The following CYP20A1 variants were observed in gnomAD, a reference collection of about 807,000 sequenced individuals.
CYP20A1 encodes the protein cytochrome P450 family 20 subfamily A member 1, also known as cytochrome P450 20A1.
A neutral mutation model predicts 61.4 loss-of-function variants in CYP20A1; 61 were observed. The ratio of observed to expected loss-of-function variants is 0.99; its 90% CI spans 0.81 to 1.23. CYP20A1 has a LOEUF of 1.23. Ranked by LOEUF, CYP20A1 falls within the 50% of genes most tolerant of loss-of-function variation. The probability of loss-of-function intolerance (pLI) is 0.00; values close to 1 mark genes in which losing one functional copy is unlikely to be tolerated. For missense variants in CYP20A1, 530 were observed against 542.4 expected (o/e 0.98, Z 0.23); for synonymous variants, 193 against 188.2 (o/e 1.03, Z -0.21).
intron 2 of CYP20A1, among the ~76,000 whole-genome samples, chr2:203,246,537 G>GT (rs2066464048): frequency 6.6e-6 from 1 of 152,140 alleles, no homozygotes; most frequent in African/African-American, 2.4e-5. Context: ...GGTTTGAAGT[G>GT]TTAAGAATTC....
intron 4 of CYP20A1, among the ~76,000 whole-genome samples, chr2:203,260,473 C>T (rs904129839): frequency 1.3e-5 from 2 of 151,942 alleles, no homozygotes; most frequent in Non-Finnish European, 1.5e-5. Flanking sequence ...CCATCCGCTT[C>T]GGCCTCCCAA....
intron 1 of CYP20A1, among the ~76,000 whole-genome samples, chr2:203,240,767 G>GA (rs895454814): frequency 6.6e-6 from 1 of 152,150 alleles, no homozygotes; most frequent in African/African-American, 2.4e-5. Context: ...CCAGAGGAGA[G>GA]AAAGTCAGAA....
At chr2:203,291,741 A>G (rs2068544323) in intron 10 of CYP20A1, among the ~76,000 whole-genome samples, 1 of 151,506 alleles carries the variant, frequency 6.6e-6, no homozygotes, top group Admixed American at 6.6e-5. Context: ...GGTTTGTTAC[A>G]TATGTATACA....
At chr2:203,243,392 C>CCT (rs61258660) in intron 1 of CYP20A1, among the ~76,000 whole-genome samples, 138,862 of 151,184 alleles carry the variant, frequency 0.92, 64,134 homozygotes, top group Non-Finnish European at 0.96. Context: ...TCCACTCTCG[C>CCT]CTCTTTCTTT....
rs2066441399 is a variant in CYP20A1 at position 203,245,832 on chromosome 2, T to G, written c.73-14T>G. 1.4e-6 allele frequency: 2 copies of G among 1,469,426 alleles called. No homozygotes were observed. Among genetic ancestry groups the G allele is most frequent in the African/African-American group, 2.8e-5 (2 of 71,240 alleles). 91.0% of individuals were successfully genotyped at this position (1,469,426 alleles called of 1,614,324 possible). On this transcript the variant is annotated splice_polypyrimidine_tract_variant and intron_variant, in intron 1 of 12. Transcript: ENST00000356079. ...TATATGATAATTCATTATTATAAACTTTTTTTTTGTAAGGCTTCCAGACAA... is the reference window on the plus strand; with the variant it reads ...TATATGATAATTCATTATTATAAACGTTTTTTTTGTAAGGCTTCCAGACAA...
intron 9 of CYP20A1, 74 bp from the exon 10 acceptor site, chr2:203,289,691 C>T: frequency 3.0e-6 from 2 of 673,596 alleles, no homozygotes; most frequent in Non-Finnish European, 5.0e-6. Flanking sequence ...TGTTGAAGAA[C>T]GTTTTTTAAA....
intron 8 of CYP20A1, among the ~76,000 whole-genome samples, chr2:203,283,307 C>G (rs2068121678): frequency 6.8e-6 from 1 of 147,342 alleles, no homozygotes; most frequent in South Asian, 2.2e-4. Flanking sequence ...ACCTCCACCT[C>G]CCAAGTTCAA....
chr2:203,288,448 T>A (rs192445343), intron 9 of CYP20A1, among the ~76,000 whole-genome samples: 1 of 152,130 alleles, frequency 6.6e-6, no homozygotes, highest in Non-Finnish European at 1.5e-5. Context: ...CTGAACTTCC[T>A]TTATAACATG....
chr2:203,295,120 T>C (rs1208600568), intron 11 of CYP20A1, among the ~76,000 whole-genome samples: 1 of 145,840 alleles, frequency 6.9e-6, no homozygotes, highest in Non-Finnish European at 1.5e-5. Flanking sequence ...GCCCAGCTAA[T>C]TTTTTTTTTT....
At chr2:203,253,250 A>G (rs796615275) in intron 4 of CYP20A1, among the ~76,000 whole-genome samples, 1 of 152,124 alleles carries the variant, frequency 6.6e-6, no homozygotes, top group African/African-American at 2.4e-5. Flanking sequence ...AAATTGTCCT[A>G]TAGCCCCTCT....
chr2:203,248,833 C>A (rs964424047), intron 3 of CYP20A1, among the ~76,000 whole-genome samples: 2 of 152,162 alleles, frequency 1.3e-5, no homozygotes, highest in African/African-American at 4.8e-5. Flanking sequence ...CCTCAGCCTC[C>A]TGAGTAGGTG....
chr2:203,273,711 A>AGGT (rs1166134398), intron 6 of CYP20A1, among the ~76,000 whole-genome samples: 5 of 152,198 alleles, frequency 3.3e-5, no homozygotes, highest in African/African-American at 1.2e-4. Flanking sequence ...TGGGAGGCTG[A>AGGT]GGTAGGCAGA....
intron 4 of CYP20A1, among the ~76,000 whole-genome samples, chr2:203,258,398 A>C (rs2067003465): frequency 6.6e-6 from 1 of 152,164 alleles, no homozygotes; most frequent in African/African-American, 2.4e-5. Flanking sequence ...TAAAAAAAAA[A>C]AAAAAAAAAA....
rs144138329 is a variant in CYP20A1, at chr2:203,246,875, G to A, written c.243G>A (p.Leu81=). Reference sequence around the variant, plus strand: ...TTGGCAGGCGCCTCGTGGTTAGTTTGGGCACTGTTGATGTACTGAAGCAGC... The same window carrying A: ...TTGGCAGGCGCCTCGTGGTTAGTTTAGGCACTGTTGATGTACTGAAGCAGC... ...FWFGRRLVVS[L]GTVDVLKQHI... The change falls in exon 3 of 13, where the codon TTG becomes TTA. Residue 81 remains leucine, a synonymous_variant. Transcript: ENST00000356079. The A allele has an allele frequency of 1.2e-6, 2 of 1,614,022 alleles. No homozygotes were observed. Among genetic ancestry groups the A allele is most frequent in the Non-Finnish European group, 1.7e-6 (2 of 1,180,038 alleles).
At position 203,305,443 on chromosome 2, in the gene CYP20A1, A is replaced by G. The variant is rs943790061; in HGVS notation, c.*8535A>G. 1 of 151,530 alleles carries G rather than the reference A, an allele frequency of 6.6e-6. No homozygotes were observed. The highest frequency in any genetic ancestry group is 2.4e-5 in the African/African-American group (1 of 41,226). The allele number at this position is 151,530 out of a possible 1,614,324, so 9.4% of individuals were successfully genotyped here. On this transcript the variant is annotated 3_prime_UTR_variant, in exon 13 of 13. Coordinates refer to ENST00000356079, the MANE Select transcript of CYP20A1 (RefSeq NM_177538.3). ...TCTCGATCTCTTGTGCTCATAATCT[A>G]CCTACCTCGGCCTCCCAAAGTGCTC...
intron 11 of CYP20A1, among the ~76,000 whole-genome samples, chr2:203,295,384 T>C (rs931778193): frequency 3.9e-5 from 6 of 152,174 alleles, no homozygotes; most frequent in African/African-American, 1.4e-4. Flanking sequence ...CTCTCTCACC[T>C]ATTAATAAAT....
At chr2:203,267,843 C>CAA (rs1250683399) in intron 5 of CYP20A1, among the ~76,000 whole-genome samples, 11 of 77,120 alleles carry the variant, frequency 1.4e-4, no homozygotes, top group East Asian at 7.0e-4. Flanking sequence ...GAGTCCATCT[C>CAA]AAAAAAAAAA....
chr2:203,254,092 G>A (rs1434714226), intron 4 of CYP20A1, among the ~76,000 whole-genome samples: 5 of 115,180 alleles, frequency 4.3e-5, no homozygotes, highest in Middle Eastern at 8.8e-3. Flanking sequence ...GATTACAGGC[G>A]CCTGCCACCA....
At chr2:203,273,951 A>C (rs192199097) in intron 6 of CYP20A1, among the ~76,000 whole-genome samples, 213 of 152,248 alleles carry the variant, frequency 1.4e-3, no homozygotes, top group African/African-American at 4.9e-3. Flanking sequence ...TTATCTCCAA[A>C]AAATAAAAAA....
Sources: gnomAD v4.1 joint callset for allele counts (sites outside exome capture counted in the v4.1 genomes callset) on GRCh38, gnomAD v4.1.1 for gene constraint, MANE v1.5 for transcripts, NCBI Gene and HGNC (gene_info 2026-07-23, HGNC 2026-07-21) for gene names.